CASK: variants seen among roughly 807,000 people sequenced by gnomAD.
CASK encodes calcium/calmodulin dependent serine protein kinase.
In CASK, 4 loss-of-function variants were observed where a neutral mutation model predicts 82.9. The observed-to-expected ratio is 0.05, with a 90% confidence interval of 0.02 to 0.11. The LOEUF (loss-of-function observed/expected upper bound fraction) is 0.11. CASK is among the 10% of genes least tolerant of loss of function. The probability of loss-of-function intolerance (pLI) is 1.00; values close to 1 mark genes in which losing one functional copy is unlikely to be tolerated. For missense variants in CASK, 358 were observed against 720.9 expected (o/e 0.50, Z 5.76); for synonymous variants, 259 against 253.5 (o/e 1.02, Z -0.20).
chrX:41,758,250 C>T (rs1398398309), intron 3 of CASK, among the ~76,000 whole-genome samples: 1 of 110,002 alleles, frequency 9.1e-6, no homozygotes, highest in East Asian at 2.9e-4. Context: ...GCCTGGCCAA[C>T]GTGGTGAAAC....
chrX:41,581,105 G>A (rs2065570402), intron 14 of CASK, among the ~76,000 whole-genome samples: 1 of 112,158 alleles, frequency 8.9e-6, no homozygotes, highest in African/African-American at 3.2e-5. Flanking sequence ...TAGGCCAGGT[G>A]TGGTAGCTCA....
intron 21 of CASK, among the ~76,000 whole-genome samples, chrX:41,550,034 G>A (rs774178867): frequency 8.7e-4 from 95 of 109,316 alleles, no homozygotes; most frequent in African/African-American, 2.9e-3. Context: ...GGTGGCAGGC[G>A]CCTGTAATCC....
intron 1 of CASK, among the ~76,000 whole-genome samples, chrX:41,907,082 T>C (rs2072482394): frequency 8.9e-6 from 1 of 112,194 alleles, no homozygotes; most frequent in East Asian, 2.8e-4. Context: ...CTAAATTAAA[T>C]GTCTAACTCA....
At chrX:41,841,023 T>C (rs1601891750) in intron 2 of CASK, among the ~76,000 whole-genome samples, 1 of 112,161 alleles carries the variant, frequency 8.9e-6, no homozygotes, top group East Asian at 2.8e-4. Flanking sequence ...CCAGTTTTCG[T>C]GTGTACATAT....
chrX:41,790,065 G>C (rs746504915), intron 2 of CASK: 2 of 237,632 alleles, frequency 8.4e-6, no homozygotes, highest in Non-Finnish European at 1.4e-5. Flanking sequence ...GAATAGCTGG[G>C]ATTACAGGTG....
At chrX:41,534,137 C>T (rs763027029) in intron 24 of CASK, among the ~76,000 whole-genome samples, 38 of 110,336 alleles carry the variant, frequency 3.4e-4, no homozygotes, top group African/African-American at 7.6e-4. Flanking sequence ...GAATAAGATA[C>T]GGAAAATAAG....
chrX:41,787,381 C>A (rs1602624119), intron 2 of CASK, 98 bp from the exon 3 acceptor site: 1 of 557,894 alleles, frequency 1.8e-6, no homozygotes, highest in East Asian at 3.3e-5. Flanking sequence ...AACATGGATA[C>A]TTCTCTAACT....
intron 3 of CASK, among the ~76,000 whole-genome samples, chrX:41,780,924 C>T (rs1260411092): frequency 1.8e-5 from 2 of 109,965 alleles, no homozygotes; most frequent in Non-Finnish European, 3.8e-5. Flanking sequence ...GCTGGGATTA[C>T]AGGTGTAAGC....
chrX:41,843,665 C>T (rs1044515700), intron 2 of CASK, among the ~76,000 whole-genome samples: 5 of 111,130 alleles, frequency 4.5e-5, no homozygotes, highest in Non-Finnish European at 7.6e-5. Context: ...AAAAGAAATC[C>T]CATACCCATT....
intron 5 of CASK, chrX:41,728,038 CT>C: frequency 9.5e-7 from 1 of 1,057,190 alleles, no homozygotes; most frequent in Non-Finnish European, 1.3e-6. Flanking sequence ...ATATGGTTGA[CT>C]TTTGAATGGA....
At chrX:41,745,267 T>C (rs187437406) in intron 4 of CASK, among the ~76,000 whole-genome samples, 22 of 111,530 alleles carry the variant, frequency 2.0e-4, no homozygotes, top group African/African-American at 6.5e-4. Flanking sequence ...CTGTCTACCT[T>C]GGCCTCCCAC....
At chrX:41,853,646 C>T (rs1026076546) in intron 1 of CASK, among the ~76,000 whole-genome samples, 8 of 111,416 alleles carry the variant, frequency 7.2e-5, no homozygotes, top group African/African-American at 2.6e-4. Context: ...TCTCATCTTA[C>T]CCACCATTTA....
At chrX:41,524,137 G>A (rs773337326) in intron 25 of CASK, 103 bp from the exon 26 acceptor site, 2 of 618,020 alleles carry the variant, frequency 3.2e-6, no homozygotes, top group Admixed American at 7.2e-5. Context: ...AAAATTCCAA[G>A]CTCTTGGCTC....
rs781125636 is a variant in CASK, at chrX:41,595,427, G to T, written c.1156-5835C>A. Among the ~76,000 whole-genome samples, 4 of 110,048 alleles carry T rather than the reference G, an allele frequency of 3.6e-5. No individual in the cohort carries two copies. In the South Asian group the frequency reaches 1.6e-3, roughly 43 times the overall value. ...AAGACCAACCTCGGCAAGATAGTGA[G>T]ACTCTGTCTCTACAAAAAAATAAAA... is the stretch of plus-strand genomic sequence containing the variant. On this transcript the variant is annotated intron_variant, in intron 12 of 26. Transcript: ENST00000378163.
At chrX:41,625,254 C>T (rs189921169) in intron 10 of CASK, among the ~76,000 whole-genome samples, 1,792 of 99,142 alleles carry the variant, frequency 0.018, 14 homozygotes, top group African/African-American at 0.027. Context: ...GGCGTGATCT[C>T]GGCTCACTGC....
At chrX:41,707,905 G>A (rs1214983977) in intron 5 of CASK, among the ~76,000 whole-genome samples, 1 of 111,444 alleles carries the variant, frequency 9.0e-6, no homozygotes, top group African/African-American at 3.3e-5. Flanking sequence ...GGATCACGAA[G>A]TCAGGAGATC....
At chrX:41,649,931 G>C (rs1410519349) in intron 8 of CASK, among the ~76,000 whole-genome samples, 1 of 111,283 alleles carries the variant, frequency 9.0e-6, no homozygotes, top group Non-Finnish European at 1.9e-5. Context: ...GAATCTAGGT[G>C]CTCCTGTATT....
At chrX:41,755,877 G>A (rs2068884813) in intron 3 of CASK, among the ~76,000 whole-genome samples, 1 of 111,680 alleles carries the variant, frequency 9.0e-6, no homozygotes, top group South Asian at 3.7e-4. Flanking sequence ...TTTTTTAAGA[G>A]AAATTAAACA....
At chrX:41,872,528 T>A (rs1376289266) in intron 1 of CASK, among the ~76,000 whole-genome samples, 1 of 112,081 alleles carries the variant, frequency 8.9e-6, no homozygotes, top group East Asian at 2.8e-4. Context: ...TATGATGCTG[T>A]TCTTTTAAAA....
Sources: gnomAD v4.1 joint callset for allele counts (sites outside exome capture counted in the v4.1 genomes callset) on GRCh38, gnomAD v4.1.1 for gene constraint, MANE v1.5 for transcripts, NCBI Gene and HGNC (gene_info 2026-07-23, HGNC 2026-07-21) for gene names.